EPHB1: variants seen among roughly 807,000 people sequenced by gnomAD.
The protein encoded by EPHB1 is ephrin type-B receptor 1.
A neutral mutation model predicts 94.4 loss-of-function variants in EPHB1; 30 were observed. The observed-to-expected ratio is 0.32, with a 90% CI of 0.24 to 0.43. EPHB1 has a LOEUF of 0.43. Ranked by LOEUF, EPHB1 falls within the 20% of genes least tolerant of loss-of-function variation. The pLI is 1.00. For missense variants in EPHB1, 1,055 were observed against 1,308.3 expected (o/e 0.81, Z 2.99); for synonymous variants, 522 against 489.1 (o/e 1.07, Z -0.89).
intron 1 of EPHB1, among the ~76,000 whole-genome samples, chr3:134,898,578 A>AT (rs1250653944): frequency 1.3e-5 from 2 of 152,282 alleles, no homozygotes; most frequent in African/African-American, 4.8e-5. Flanking sequence ...CTAGCAGGTG[A>AT]TACAGGGCTT....
chr3:135,082,648 G>T (rs766992441), intron 3 of EPHB1, among the ~76,000 whole-genome samples: 3 of 152,170 alleles, frequency 2.0e-5, no homozygotes, highest in African/African-American at 4.8e-5. Flanking sequence ...GTAGAGAATA[G>T]GACACATTTC....
intron 1 of EPHB1, among the ~76,000 whole-genome samples, chr3:134,912,395 A>T (rs1400933315): frequency 6.6e-6 from 1 of 152,220 alleles, no homozygotes; most frequent in East Asian, 1.9e-4. Context: ...CTCTCACCAC[A>T]AAAATGCAAA....
At chr3:134,797,963 T>G (rs1352568625) in intron 1 of EPHB1, among the ~76,000 whole-genome samples, 1 of 152,260 alleles carries the variant, frequency 6.6e-6, no homozygotes, top group Admixed American at 6.5e-5. Context: ...TTCTACTCTC[T>G]ACACACGGAG....
intron 9 of EPHB1, 70 bp downstream of exon 9, chr3:135,167,076 GCT>G: frequency 6.4e-7 from 1 of 1,568,080 alleles, no homozygotes; most frequent in Non-Finnish European, 8.8e-7. Flanking sequence ...AGTGCTCAGA[GCT>G]CTCTTTATAG....
At chr3:134,873,294 C>T (rs1474128594) in intron 1 of EPHB1, among the ~76,000 whole-genome samples, 1 of 152,130 alleles carries the variant, frequency 6.6e-6, no homozygotes, top group African/African-American at 2.4e-5. Flanking sequence ...CATCTTGCTG[C>T]TCTGAGTGCT....
chr3:135,254,786 G>C (rs1933298201), intron 15 of EPHB1, among the ~76,000 whole-genome samples: 1 of 152,096 alleles, frequency 6.6e-6, no homozygotes, highest in Admixed American at 6.5e-5. Context: ...GTTTCAGAAG[G>C]AATGGTACCA....
At chr3:134,970,563 GC>G (rs1298306861) in intron 3 of EPHB1, among the ~76,000 whole-genome samples, 29 of 152,138 alleles carry the variant, frequency 1.9e-4, no homozygotes, top group African/African-American at 7.0e-4. Context: ...TAGTATGTAG[GC>G]TATATGAGGA....
intron 3 of EPHB1, among the ~76,000 whole-genome samples, chr3:134,996,851 T>A (rs1935012409): frequency 6.6e-6 from 1 of 152,162 alleles, no homozygotes; most frequent in Admixed American, 6.5e-5. Context: ...TGAATAAACC[T>A]TTGTCATGTA....
intron 3 of EPHB1, among the ~76,000 whole-genome samples, chr3:135,031,412 T>G (rs977811468): frequency 1.3e-5 from 2 of 152,194 alleles, no homozygotes; most frequent in African/African-American, 4.8e-5. Flanking sequence ...TGGGCTCAAA[T>G]AATCCTCCTG....
At chr3:134,848,272 A>T (rs1323482164) in intron 1 of EPHB1, among the ~76,000 whole-genome samples, 2 of 152,190 alleles carry the variant, frequency 1.3e-5, no homozygotes, top group Non-Finnish European at 2.9e-5. Flanking sequence ...TGGTTCTGGG[A>T]CGTCTTCCTG....
intron 14 of EPHB1, among the ~76,000 whole-genome samples, chr3:135,248,773 A>T (rs2107731582): frequency 6.6e-6 from 1 of 152,242 alleles, no homozygotes; most frequent in South Asian, 2.1e-4. Context: ...CAAAATCTTT[A>T]TGACTTGGTG....
At chr3:135,072,023 T>A (rs1297767364) in intron 3 of EPHB1, among the ~76,000 whole-genome samples, 19 of 152,136 alleles carry the variant, frequency 1.2e-4, no homozygotes, top group Non-Finnish European at 1.5e-5. Context: ...CCAGCTGCCA[T>A]GTCTGTTCTT....
chr3:134,915,225 C>G (rs535065321), intron 1 of EPHB1, among the ~76,000 whole-genome samples: 8 of 152,214 alleles, frequency 5.3e-5, no homozygotes, highest in African/African-American at 9.6e-5. Flanking sequence ...CACAATGCAG[C>G]CTTATTTGGA....
chr3:135,232,944 C>T (rs917622739), intron 12 of EPHB1, among the ~76,000 whole-genome samples: 1 of 152,186 alleles, frequency 6.6e-6, no homozygotes, highest in Admixed American at 6.5e-5. Flanking sequence ...AGGGTAACTG[C>T]CTCCATGATT....
intron 3 of EPHB1, among the ~76,000 whole-genome samples, chr3:134,979,713 A>G (rs1035354817): frequency 6.6e-5 from 10 of 152,156 alleles, no homozygotes; most frequent in African/African-American, 2.4e-4. Flanking sequence ...TATTAAATGC[A>G]TTTTCAGCTT....
At chr3:135,224,338 T>TA (rs1218322556) in intron 12 of EPHB1, among the ~76,000 whole-genome samples, 3 of 152,240 alleles carry the variant, frequency 2.0e-5, no homozygotes, top group Admixed American at 6.5e-5. Flanking sequence ...TAATAAGACA[T>TA]TCCTCATTTG....
At chr3:134,846,356 T>G (rs1334256474) in intron 1 of EPHB1, among the ~76,000 whole-genome samples, 1 of 152,212 alleles carries the variant, frequency 6.6e-6, no homozygotes, top group African/African-American at 2.4e-5. Context: ...AGGCCCCATT[T>G]GGAGGAATGT....
At chr3:134,935,160 G>A (rs2038977857) in intron 2 of EPHB1, among the ~76,000 whole-genome samples, 1 of 152,214 alleles carries the variant, frequency 6.6e-6, no homozygotes, top group African/African-American at 2.4e-5. Context: ...GCACTGGGAT[G>A]GAGCTGAGGA....
intron 13 of EPHB1, among the ~76,000 whole-genome samples, chr3:135,241,939 A>G (rs1215102901): frequency 6.6e-6 from 1 of 152,204 alleles, no homozygotes; most frequent in Non-Finnish European, 1.5e-5. Flanking sequence ...GGGGAGGTCA[A>G]CACTCCCCCA....
Sources: gnomAD v4.1 joint callset for allele counts (sites outside exome capture counted in the v4.1 genomes callset) on GRCh38, gnomAD v4.1.1 for gene constraint, MANE v1.5 for transcripts, NCBI Gene and HGNC (gene_info 2026-07-23, HGNC 2026-07-21) for gene names.